The following SNTG1 variants were observed in gnomAD, a reference collection of about 807,000 sequenced individuals.
The protein encoded by SNTG1 is gamma-1-syntrophin.
A neutral mutation model predicts 74.7 loss-of-function variants in SNTG1; 39 were observed. The ratio of observed to expected loss-of-function variants is 0.52; its 90% confidence interval spans 0.40 to 0.68. The LOEUF (loss-of-function observed/expected upper bound fraction) is 0.68. Among genes scored for constraint, SNTG1 ranks in the 30% least tolerant of loss-of-function variants. The pLI, the probability that SNTG1 is intolerant of heterozygous loss-of-function variation, is 0.00. For missense variants in SNTG1, 685 were observed against 609.5 expected (o/e 1.12, Z -1.30); for synonymous variants, 254 against 217.1 (o/e 1.17, Z -1.49).
chr8:50,180,308 C>T (rs996785216), intron 2 of SNTG1, among the ~76,000 whole-genome samples: 5 of 152,016 alleles, frequency 3.3e-5, no homozygotes, highest in African/African-American at 9.7e-5. Context: ...TCAAAGAGTA[C>T]AAACTTGAAG....
At chr8:50,235,898 G>A (rs1014352590) in intron 2 of SNTG1, among the ~76,000 whole-genome samples, 1 of 152,000 alleles carries the variant, frequency 6.6e-6, no homozygotes, top group East Asian at 1.9e-4. Flanking sequence ...AGAAAAAAAT[G>A]TTTCTAGCAT....
At chr8:50,653,105 GT>G (rs564998873) in intron 13 of SNTG1, among the ~76,000 whole-genome samples, 2 of 150,808 alleles carry the variant, frequency 1.3e-5, no homozygotes, top group South Asian at 4.2e-4. Context: ...TTTTGCTTTT[GT>G]TTTTATTTTA....
At chr8:50,300,099 A>C (rs2089580050) in intron 2 of SNTG1, among the ~76,000 whole-genome samples, 2 of 152,158 alleles carry the variant, frequency 1.3e-5, no homozygotes, top group Admixed American at 1.3e-4. Flanking sequence ...CAAAAGAGGA[A>C]CTAAATGCAG....
intron 18 of SNTG1, among the ~76,000 whole-genome samples, chr8:50,769,737 A>G (rs1189293477): frequency 1.3e-5 from 2 of 152,076 alleles, no homozygotes; most frequent in Non-Finnish European, 2.9e-5. Flanking sequence ...TGGCTGACAT[A>G]TTAATATTCA....
At chr8:50,540,259 C>T (rs2094336913) in intron 11 of SNTG1, among the ~76,000 whole-genome samples, 1 of 152,070 alleles carries the variant, frequency 6.6e-6, no homozygotes, top group African/African-American at 2.4e-5. Context: ...GTTATAATTA[C>T]TTCTATGACC....
intron 11 of SNTG1, among the ~76,000 whole-genome samples, chr8:50,547,120 G>T (rs2094393709): frequency 6.6e-6 from 1 of 152,058 alleles, no homozygotes; most frequent in Admixed American, 6.6e-5. Flanking sequence ...CTCATAAACA[G>T]AAACAGCACC....
chr8:50,407,196 C>A (rs913892970), intron 4 of SNTG1, among the ~76,000 whole-genome samples: 1 of 152,096 alleles, frequency 6.6e-6, no homozygotes, highest in African/African-American at 2.4e-5. Flanking sequence ...AGATAAACAT[C>A]CAACTTTGGA....
At chr8:50,738,227 C>G (rs1322260626) in intron 17 of SNTG1, among the ~76,000 whole-genome samples, 1 of 152,116 alleles carries the variant, frequency 6.6e-6, no homozygotes, top group Admixed American at 6.6e-5. Context: ...GATACAAAAT[C>G]AATGTACAAA....
chr8:49,918,263 G>GA (rs1418676440), intron 1 of SNTG1, among the ~76,000 whole-genome samples: 1 of 152,098 alleles, frequency 6.6e-6, no homozygotes, highest in East Asian at 1.9e-4. Flanking sequence ...GTTTTGTGGG[G>GA]AAAAATTAAC....
chr8:49,991,961 T>A (rs572023372), intron 1 of SNTG1, among the ~76,000 whole-genome samples: 2 of 152,142 alleles, frequency 1.3e-5, no homozygotes, highest in Non-Finnish European at 2.9e-5. Flanking sequence ...ATAAATTCTA[T>A]CCCATTAAAG....
intron 1 of SNTG1, among the ~76,000 whole-genome samples, chr8:49,940,523 GT>G (rs1808592555): frequency 6.6e-6 from 1 of 152,114 alleles, no homozygotes; most frequent in South Asian, 2.1e-4. Context: ...TTTTGACTCT[GT>G]TTTTTATGAA....
At chr8:50,663,320 C>T (rs2095234464) in intron 15 of SNTG1, among the ~76,000 whole-genome samples, 1 of 152,048 alleles carries the variant, frequency 6.6e-6, no homozygotes, top group South Asian at 2.1e-4. Context: ...AAAGGACAGC[C>T]ACTAAAGCAT....
At chr8:50,685,193 C>T (rs2095347381) in intron 15 of SNTG1, among the ~76,000 whole-genome samples, 1 of 152,068 alleles carries the variant, frequency 6.6e-6, no homozygotes, top group Non-Finnish European at 1.5e-5. Context: ...GTATTCTCTG[C>T]TTATGACAAA....
intron 13 of SNTG1, among the ~76,000 whole-genome samples, chr8:50,624,379 G>T (rs147510347): frequency 6.6e-6 from 1 of 151,186 alleles, no homozygotes; most frequent in African/African-American, 2.4e-5. Flanking sequence ...AATTTTGTTT[G>T]GCAGCTCTAA....
intron 2 of SNTG1, among the ~76,000 whole-genome samples, chr8:50,379,087 G>A (rs974725057): frequency 6.6e-5 from 10 of 152,164 alleles, no homozygotes; most frequent in Admixed American, 3.9e-4. Context: ...GCAGGCTAGT[G>A]AAGAACTGCC....
intron 12 of SNTG1, among the ~76,000 whole-genome samples, chr8:50,572,311 G>A (rs12675489): frequency 0.081 from 12,156 of 150,600 alleles, 1,127 homozygotes; most frequent in African/African-American, 0.21. Flanking sequence ...TCTGATGTTT[G>A]GTGAATTCAT....
chr8:49,942,069 C>T (rs762799724), intron 1 of SNTG1, among the ~76,000 whole-genome samples: 9 of 151,954 alleles, frequency 5.9e-5, no homozygotes, highest in African/African-American at 1.2e-4. Context: ...AGGAAGGGTA[C>T]GCTAAATATA....
intron 1 of SNTG1, among the ~76,000 whole-genome samples, chr8:50,156,931 G>A (rs1190056718): frequency 1.3e-5 from 2 of 152,018 alleles, no homozygotes; most frequent in Non-Finnish European, 2.9e-5. Context: ...AATGTAAAAT[G>A]GTACAGTGCT....
At chr8:50,413,736 T>G (rs1334305803) in intron 4 of SNTG1, among the ~76,000 whole-genome samples, 1 of 152,206 alleles carries the variant, frequency 6.6e-6, no homozygotes, top group Non-Finnish European at 1.5e-5. Flanking sequence ...TTCTCCATTT[T>G]CTTACGTTTT....
Sources: gnomAD v4.1 joint callset for allele counts (sites outside exome capture counted in the v4.1 genomes callset) on GRCh38, gnomAD v4.1.1 for gene constraint, MANE v1.5 for transcripts, NCBI Gene and HGNC (gene_info 2026-07-23, HGNC 2026-07-21) for gene names.